Variants in ATRNL1 observed in about 807,000 individuals in gnomAD.
The protein encoded by ATRNL1 is attractin-like protein 1.
Under a neutral mutation model 182.7 loss-of-function variants are expected in ATRNL1, and 95 were observed. The ratio of observed to expected loss-of-function variants is 0.52; its 90% CI spans 0.44 to 0.62. The LOEUF (loss-of-function observed/expected upper bound fraction) is 0.62. Ranked by LOEUF, ATRNL1 falls within the 20% of genes least tolerant of loss-of-function variation. The pLI, the probability that ATRNL1 is intolerant of heterozygous loss-of-function variation, is 0.00. For missense variants in ATRNL1, 1,471 were observed against 1,679.5 expected (o/e 0.88, Z 2.17); for synonymous variants, 576 against 568.3 (o/e 1.01, Z -0.19).
At chr10:115,199,648 G>C (rs1310653626) in intron 8 of ATRNL1, among the ~76,000 whole-genome samples, 2 of 152,110 alleles carry the variant, frequency 1.3e-5, no homozygotes, top group East Asian at 1.9e-4. Flanking sequence ...TGTAGATAAT[G>C]TAGGGTTGGG....
At chr10:115,202,942 C>T (rs1448279014) in intron 8 of ATRNL1, among the ~76,000 whole-genome samples, 5 of 151,064 alleles carry the variant, frequency 3.3e-5, no homozygotes, top group African/African-American at 9.7e-5. Flanking sequence ...GATTCAACTT[C>T]TTCCTGGTTT....
intron 19 of ATRNL1, among the ~76,000 whole-genome samples, chr10:115,381,669 AT>A (rs1260067971): frequency 1.3e-5 from 2 of 151,286 alleles, no homozygotes; most frequent in Non-Finnish European, 2.9e-5. Flanking sequence ...TTGTCCTCTT[AT>A]TTTTTTGATG....
At chr10:115,482,821 T>C (rs1030705730) in intron 24 of ATRNL1, among the ~76,000 whole-genome samples, 4 of 151,234 alleles carry the variant, frequency 2.6e-5, no homozygotes, top group African/African-American at 9.7e-5. Flanking sequence ...AACTAAAATT[T>C]AGGCATAAAA....
chr10:115,325,701 T>C (rs981599549), intron 18 of ATRNL1, among the ~76,000 whole-genome samples: 37 of 152,112 alleles, frequency 2.4e-4, no homozygotes, highest in Admixed American at 2.2e-3. Context: ...GAAAGGAGGG[T>C]TGAGTGGCAT....
intron 18 of ATRNL1, among the ~76,000 whole-genome samples, chr10:115,322,371 C>T (rs1487672674): frequency 5.9e-5 from 9 of 151,398 alleles, no homozygotes; most frequent in African/African-American, 2.2e-4. Flanking sequence ...TTGCCATGGC[C>T]CCAAACCATC....
At chr10:115,871,785 A>C (rs573222514) in intron 28 of ATRNL1, among the ~76,000 whole-genome samples, 54 of 152,274 alleles carry the variant, frequency 3.5e-4, no homozygotes, top group African/African-American at 1.3e-3. Flanking sequence ...TAAACTAAAC[A>C]ATATAAATCT....
chr10:115,527,935 CTT>C (rs1554987062), intron 25 of ATRNL1, among the ~76,000 whole-genome samples: 17 of 109,502 alleles, frequency 1.6e-4, no homozygotes, highest in African/African-American at 5.2e-4. Context: ...TCCCTCCTTC[CTT>C]CTCCTTCCTT....
rs1856390470 is a variant in ATRNL1 at position 115,598,350 on chromosome 10, A to AATTTATTTATTTAT, written c.3795+48814_3795+48815insATTTATTTATTTAT. Among the ~76,000 whole-genome samples, 4 of 145,856 alleles carry AATTTATTTATTTAT rather than the reference A, an allele frequency of 2.7e-5. No individual in the cohort carries two copies. In the South Asian group the frequency reaches 6.5e-4, roughly 24 times the overall value. On this transcript the variant is annotated intron_variant, in intron 26 of 28. Coordinates refer to ENST00000355044, the MANE Select transcript of ATRNL1 (RefSeq NM_207303.4). Reference sequence around the variant, plus strand: ...CATTTTACATTATTTATTTAAAAAAATTATTTATTTATTTATTTATTTATT... The same window carrying AATTTATTTATTTAT: ...CATTTTACATTATTTATTTAAAAAAAATTTATTTATTTATTTATTTATTTATTTATTTATTTATT...
intron 28 of ATRNL1, among the ~76,000 whole-genome samples, chr10:115,894,432 T>C (rs1952156570): frequency 6.6e-6 from 1 of 152,172 alleles, no homozygotes; most frequent in Admixed American, 6.5e-5. Context: ...GTAATGTATG[T>C]AGGGCAGGGA....
chr10:115,168,945 G>T, intron 7 of ATRNL1, among the ~76,000 whole-genome samples: 1 of 145,410 alleles, frequency 6.9e-6, no homozygotes, highest in East Asian at 2.0e-4. Context: ...TTATAGTTTT[G>T]ATTCTTGCAT....
At position 115,448,102 on chromosome 10, in the gene ATRNL1, T is replaced by A. The variant is rs909495837; in HGVS notation, c.3323-13839T>A. ...GTTTGTCTTTTTCATATTGTTGGCA[T>A]TTTCTTATTGATTTATACTAGTTTT... On this transcript the variant is annotated intron_variant, in intron 21 of 28. Coordinates refer to ENST00000355044, the MANE Select transcript of ATRNL1 (RefSeq NM_207303.4). Among the ~76,000 whole-genome samples, 11 of 152,264 alleles carry A rather than the reference T, an allele frequency of 7.2e-5. No individual in the cohort carries two copies. The Middle Eastern group carries it at 0.01, about 141-fold the overall frequency.
At chr10:115,547,866 A>G (rs1009104439) in intron 25 of ATRNL1, among the ~76,000 whole-genome samples, 4 of 152,184 alleles carry the variant, frequency 2.6e-5, no homozygotes, top group African/African-American at 9.7e-5. Context: ...TGTCCCCTAA[A>G]ATATTGAATA....
chr10:115,675,042 C>T (rs1443506711), intron 26 of ATRNL1, among the ~76,000 whole-genome samples: 2 of 152,100 alleles, frequency 1.3e-5, no homozygotes, highest in East Asian at 3.9e-4. Flanking sequence ...ACAAGAACTA[C>T]TTGCTTATTT....
At chr10:115,287,240 T>C (rs1373017548) in intron 15 of ATRNL1, among the ~76,000 whole-genome samples, 1 of 152,064 alleles carries the variant, frequency 6.6e-6, no homozygotes, top group East Asian at 1.9e-4. Flanking sequence ...GTTTCTCATG[T>C]GTAAACTGGC....
At chr10:115,614,753 A>T (rs1342997141) in intron 26 of ATRNL1, among the ~76,000 whole-genome samples, 2 of 151,878 alleles carry the variant, frequency 1.3e-5, no homozygotes. Context: ...TGCCAAACTG[A>T]TCTGTGTATC....
At chr10:115,201,390 C>G (rs1848572725) in intron 8 of ATRNL1, among the ~76,000 whole-genome samples, 1 of 152,090 alleles carries the variant, frequency 6.6e-6, no homozygotes, top group African/African-American at 2.4e-5. Flanking sequence ...TTTAATCCAT[C>G]TTGAATTAAT....
At chr10:115,674,119 G>A (rs1489967534) in intron 26 of ATRNL1, among the ~76,000 whole-genome samples, 1 of 152,002 alleles carries the variant, frequency 6.6e-6, no homozygotes, top group African/African-American at 2.4e-5. Context: ...GAAATATATT[G>A]CCACAGAGAC....
chr10:115,400,110 G>T (rs1452278062), intron 20 of ATRNL1, among the ~76,000 whole-genome samples: 2 of 151,950 alleles, frequency 1.3e-5, no homozygotes, highest in Non-Finnish European at 2.9e-5. Flanking sequence ...TAAAAAGTGG[G>T]CAAAGGACAC....
rs10885801 is a variant in ATRNL1, at chr10:115,749,531, C to G, written c.3903+22176C>G. Among the ~76,000 whole-genome samples the G allele has an allele frequency of 6.2e-3, 933 of 151,588 alleles. 13 individuals carry two copies. The highest frequency in any genetic ancestry group is 0.022 in the African/African-American group (903 of 41,378). ...AGTAAAGATGCTGAACAAAAACTCACGTGTTTTATTTTTTAATACCACCCT... is the reference window on the plus strand; with the variant it reads ...AGTAAAGATGCTGAACAAAAACTCAGGTGTTTTATTTTTTAATACCACCCT... On this transcript the variant is annotated intron_variant, in intron 27 of 28. Transcript: ENST00000355044.
Sources: allele counts gnomAD v4.1 joint callset (sites outside exome capture counted in the v4.1 genomes callset), GRCh38; gene constraint gnomAD v4.1.1; transcripts MANE v1.5; gene names NCBI Gene and HGNC (gene_info 2026-07-23, HGNC 2026-07-21).